Variants in KPNA4 observed in about 807,000 individuals in gnomAD.
KPNA4 encodes karyopherin subunit alpha 4.
A neutral mutation model predicts 71.3 loss-of-function variants in KPNA4; 13 were observed. The ratio of observed to expected loss-of-function variants is 0.18; its 90% CI spans 0.12 to 0.29. The LOEUF is 0.29. Ranked by LOEUF, KPNA4 falls within the 10% of genes least tolerant of loss-of-function variation. The probability of loss-of-function intolerance (pLI) is 1.00; values close to 1 mark genes in which losing one functional copy is unlikely to be tolerated. For missense variants in KPNA4, 334 were observed against 603.2 expected (o/e 0.55, Z 4.67); for synonymous variants, 189 against 195.2 (o/e 0.97, Z 0.26).
At chr3:160,532,814 T>C (rs1302797399) in intron 5 of KPNA4, among the ~76,000 whole-genome samples, 1 of 152,234 alleles carries the variant, frequency 6.6e-6, no homozygotes, top group East Asian at 1.9e-4. Context: ...ATAACTAATC[T>C]TATTCTGTGT....
At chr3:160,528,641 C>T (rs531864566) in intron 7 of KPNA4, among the ~76,000 whole-genome samples, 70 of 152,314 alleles carry the variant, frequency 4.6e-4, no homozygotes, top group Non-Finnish European at 4.4e-4. Context: ...GCTGGGATTA[C>T]AGGCATGAGC....
chr3:160,558,522 A>G (rs1280987644), intron 1 of KPNA4, among the ~76,000 whole-genome samples: 5 of 152,234 alleles, frequency 3.3e-5, no homozygotes, highest in Non-Finnish European at 5.9e-5. Flanking sequence ...GAGAAACCAG[A>G]GTTCAAACCC....
intron 1 of KPNA4, among the ~76,000 whole-genome samples, chr3:160,558,917 A>ACCTC (rs2108562279): frequency 6.6e-6 from 1 of 152,338 alleles, no homozygotes; most frequent in East Asian, 1.9e-4. Context: ...TTCCTTGAGG[A>ACCTC]AACAGTAAAA....
At chr3:160,529,718 C>T (rs1240107619) in intron 7 of KPNA4, among the ~76,000 whole-genome samples, 1 of 151,636 alleles carries the variant, frequency 6.6e-6, no homozygotes, top group African/African-American at 2.4e-5. Flanking sequence ...TTCTTACTTC[C>T]AATAATTTTC....
chr3:160,553,434 AAGACAGTC>A (rs533968756), intron 1 of KPNA4, among the ~76,000 whole-genome samples: 73 of 152,344 alleles, frequency 4.8e-4, no homozygotes, highest in African/African-American at 1.6e-3. Context: ...CGTAAAGACT[AAGACAGTC>A]AGTAGCAAGG....
At position 160,540,601 on chromosome 3, in the gene KPNA4, G is replaced by C. The variant is rs1007645282; in HGVS notation, c.70-3761C>G. Among the ~76,000 whole-genome samples the C allele has an allele frequency of 3.3e-5, 5 of 152,180 alleles. No individual in the cohort carries two copies. The South Asian group carries it at 1.0e-3, about 32-fold the overall frequency. On this transcript the variant is annotated intron_variant, in intron 1 of 16. Coordinates refer to ENST00000334256, the MANE Select transcript of KPNA4 (RefSeq NM_002268.5). Reference sequence around the variant, plus strand: ...ATGTTTTTTACTCCAAACAATAGTTGTTCTTCGGGACCCCATGAAAGGGAT... The same window carrying C: ...ATGTTTTTTACTCCAAACAATAGTTCTTCTTCGGGACCCCATGAAAGGGAT...
At chr3:160,509,584 T>C (rs1295122366) in intron 14 of KPNA4, among the ~76,000 whole-genome samples, 1 of 152,142 alleles carries the variant, frequency 6.6e-6, no homozygotes, top group Non-Finnish European at 1.5e-5. Flanking sequence ...AGTTAGTACC[T>C]GTTATCTTGC....
At chr3:160,555,742 T>C (rs927830288) in intron 1 of KPNA4, among the ~76,000 whole-genome samples, 1 of 152,156 alleles carries the variant, frequency 6.6e-6, no homozygotes, top group African/African-American at 2.4e-5. Context: ...CAATACTCCA[T>C]TGTATGCATA....
intron 1 of KPNA4, among the ~76,000 whole-genome samples, chr3:160,554,320 T>C (rs1435308019): frequency 1.3e-5 from 2 of 152,230 alleles, no homozygotes; most frequent in Non-Finnish European, 2.9e-5. Flanking sequence ...TCCAGATGAC[T>C]TTCAACATCA....
chr3:160,543,611 G>A (rs953214978), intron 1 of KPNA4, among the ~76,000 whole-genome samples: 5 of 152,162 alleles, frequency 3.3e-5, no homozygotes, highest in African/African-American at 9.7e-5. Context: ...AGATTTACAA[G>A]TGTGAGCCAC....
At chr3:160,539,713 C>T (rs1229546547) in intron 1 of KPNA4, among the ~76,000 whole-genome samples, 5 of 152,148 alleles carry the variant, frequency 3.3e-5, no homozygotes, top group African/African-American at 1.2e-4. Flanking sequence ...CTGTAGGATG[C>T]ATTACTTAAG....
chr3:160,562,668 G>A (rs1722270435), intron 1 of KPNA4, among the ~76,000 whole-genome samples: 1 of 152,176 alleles, frequency 6.6e-6, no homozygotes, highest in South Asian at 2.1e-4. Flanking sequence ...GACAAAGTAT[G>A]ACTTTCTATT....
intron 13 of KPNA4, among the ~76,000 whole-genome samples, chr3:160,511,317 G>C (rs1029498694): frequency 1.3e-5 from 2 of 151,614 alleles, no homozygotes; most frequent in African/African-American, 4.9e-5. Context: ...GTGTTAGCCA[G>C]GATGGTCTCG....
chr3:160,546,565 A>C (rs1460620127), intron 1 of KPNA4, among the ~76,000 whole-genome samples: 2 of 152,206 alleles, frequency 1.3e-5, no homozygotes, highest in African/African-American at 4.8e-5. Context: ...TGAAAATATT[A>C]TTTTTTAAGG....
chr3:160,523,867 G>A (rs1721409015), intron 10 of KPNA4, among the ~76,000 whole-genome samples: 1 of 151,548 alleles, frequency 6.6e-6, no homozygotes, highest in South Asian at 2.1e-4. Flanking sequence ...AAAAAAAAAA[G>A]AATTCACATA....
intron 1 of KPNA4, among the ~76,000 whole-genome samples, chr3:160,554,049 CTTAACAAATGA>C (rs1722090040): frequency 6.6e-6 from 1 of 152,142 alleles, no homozygotes. Flanking sequence ...TAAATATTTG[CTTAACAAATGA>C]ATTCAATACA....
chr3:160,518,504 G>A (rs890910297), intron 11 of KPNA4, among the ~76,000 whole-genome samples: 1 of 151,404 alleles, frequency 6.6e-6, no homozygotes, highest in Non-Finnish European at 1.5e-5. Flanking sequence ...ATATCCAGTC[G>A]TTCTTGCCCA....
At chr3:160,528,317 C>G (rs1721501075) in intron 7 of KPNA4, among the ~76,000 whole-genome samples, 2 of 151,564 alleles carry the variant, frequency 1.3e-5, no homozygotes. Context: ...AGATTAATTC[C>G]TTATAGATTA....
intron 1 of KPNA4, among the ~76,000 whole-genome samples, chr3:160,547,418 C>T (rs1452733259): frequency 6.6e-6 from 1 of 152,120 alleles, no homozygotes; most frequent in Non-Finnish European, 1.5e-5. Flanking sequence ...ACACAAAAGA[C>T]TACTTTTCAA....
Sources: gnomAD v4.1 joint callset for allele counts (sites outside exome capture counted in the v4.1 genomes callset) on GRCh38, gnomAD v4.1.1 for gene constraint, MANE v1.5 for transcripts, NCBI Gene and HGNC (gene_info 2026-07-23, HGNC 2026-07-21) for gene names.